The following MYO1E variants were observed in gnomAD, a reference collection of about 807,000 sequenced individuals.
MYO1E encodes unconventional myosin-Ie.
MYO1E carries 68 observed loss-of-function variants against 151.1 expected under a neutral mutation model. That is an observed-to-expected ratio of 0.45 (90% CI 0.37 to 0.55). The LOEUF is 0.55. MYO1E is among the 20% of genes least tolerant of loss of function. The probability of loss-of-function intolerance (pLI) is 0.00; values close to 1 mark genes in which losing one functional copy is unlikely to be tolerated. For missense variants in MYO1E, 1,363 were observed against 1,389.3 expected (o/e 0.98, Z 0.30); for synonymous variants, 601 against 501.7 (o/e 1.20, Z -2.64).
At chr15:59,277,564 A>ACAAAAAAAAAACAAAAAAAAAAC (rs71119452) in intron 1 of MYO1E, among the ~76,000 whole-genome samples, 1 of 139,792 alleles carries the variant, frequency 7.2e-6, no homozygotes, top group East Asian at 2.1e-4. Context: ...AAAAAAAAAA[A>ACAAAAAAAAAACAAAAAAAAAAC]AAAAAAAAAC....
At chr15:59,235,095 G>C (rs1249736085) in intron 5 of MYO1E, among the ~76,000 whole-genome samples, 5 of 151,816 alleles carry the variant, frequency 3.3e-5, no homozygotes, top group Admixed American at 1.3e-4. Context: ...CACCTCTTGA[G>C]TATCCTCATT....
At chr15:59,312,973 G>A (rs1389059546) in intron 1 of MYO1E, among the ~76,000 whole-genome samples, 5 of 152,114 alleles carry the variant, frequency 3.3e-5, no homozygotes, top group South Asian at 2.1e-4. Flanking sequence ...CCCGGGAGGC[G>A]GAGATCACGC....
intron 3 of MYO1E, among the ~76,000 whole-genome samples, chr15:59,257,999 C>CA (rs1194170000): frequency 2.0e-5 from 3 of 152,144 alleles, no homozygotes; most frequent in African/African-American, 7.2e-5. Context: ...ACAGAGCCTC[C>CA]AGTGCTGCCA....
At chr15:59,300,719 G>A (rs1460816178) in intron 1 of MYO1E, among the ~76,000 whole-genome samples, 1 of 152,062 alleles carries the variant, frequency 6.6e-6, no homozygotes, top group Non-Finnish European at 1.5e-5. Flanking sequence ...TCTTTTGTTG[G>A]AGCTATGATT....
intron 12 of MYO1E, among the ~76,000 whole-genome samples, chr15:59,213,892 T>C (rs2079897029): frequency 6.6e-6 from 1 of 152,072 alleles, no homozygotes; most frequent in African/African-American, 2.4e-5. Context: ...AACCAAGTCT[T>C]TTATTTGGAA....
intron 1 of MYO1E, among the ~76,000 whole-genome samples, chr15:59,361,123 T>C (rs1308496456): frequency 6.6e-6 from 1 of 152,050 alleles, no homozygotes; most frequent in Non-Finnish European, 1.5e-5. Flanking sequence ...GGCCAAGCCA[T>C]CCCATGGCCC....
At chr15:59,223,807 A>G (rs2079970899) in intron 8 of MYO1E, among the ~76,000 whole-genome samples, 1 of 152,230 alleles carries the variant, frequency 6.6e-6, no homozygotes. Context: ...CTAAATCTTA[A>G]GAGAAACATC....
Position 59,171,881 on chromosome 15 carries a change from C to T in MYO1E, c.2480+16G>A, listed in dbSNP as rs201398194. 1.2e-6 allele frequency: 2 copies of T among 1,614,142 alleles called. No individual in the cohort carries two copies. The highest frequency in any genetic ancestry group is 2.2e-5 in the East Asian group (1 of 44,880). ...GCGAGAAGGGGCAGTCCTGCCTCTG[C>T]ACCTCCACTACTCACCTGAGGGACA... On this transcript the variant is annotated intron_variant, in intron 22 of 27. Transcript: ENST00000288235.
Position 59,165,729 on chromosome 15 carries a change from A to C in MYO1E, c.2481-2426T>G, listed in dbSNP as rs140822495. 1.5e-4 allele frequency among the ~76,000 whole-genome samples: 23 copies of C among 152,326 alleles called. No individual in the cohort carries two copies. The East Asian group carries it at 4.4e-3, about 29-fold the overall frequency. ...AAAGCTGCTCAAAAGAGCTCTTCCA[A>C]GTCATTTTGAATTAATAAAGTCTAA... On this transcript the variant is annotated intron_variant, in intron 22 of 27. Transcript: ENST00000288235.
rs1180197624 is a variant in MYO1E at position 59,294,927 on chromosome 15, C to T, written c.4-22478G>A. On this transcript the variant is annotated intron_variant, in intron 1 of 27. Transcript: ENST00000288235. ...TCAATCTAGTCCATCCTTGAAGACC[C>T]CATGCAAATGCTACCTCTTTAAAGC... is the stretch of plus-strand genomic sequence containing the variant. Among the ~76,000 whole-genome samples the T allele has an allele frequency of 2.6e-5, 4 of 152,122 alleles. No homozygotes were observed. In the East Asian group the frequency reaches 7.7e-4, roughly 29 times the overall value.
chr15:59,253,729 C>T (rs1302020952), intron 4 of MYO1E, among the ~76,000 whole-genome samples: 1 of 151,910 alleles, frequency 6.6e-6, no homozygotes, highest in East Asian at 1.9e-4. Flanking sequence ...ATCTGCCCAC[C>T]CAAGAGTGCT....
Position 59,352,898 on chromosome 15 carries a change from C to T in MYO1E, c.3+19600G>A, listed in dbSNP as rs1451785270. Among the ~76,000 whole-genome samples, 4 of 152,292 alleles carry T rather than the reference C, an allele frequency of 2.6e-5. No homozygotes were observed. The East Asian group carries it at 7.7e-4, about 29-fold the overall frequency. ...TTATCACCATGTAATCCTGTACAATCACAAGCACTTCCGAAAACAGCATTA... is the reference window on the plus strand; with the variant it reads ...TTATCACCATGTAATCCTGTACAATTACAAGCACTTCCGAAAACAGCATTA... On this transcript the variant is annotated intron_variant, in intron 1 of 27. Coordinates refer to ENST00000288235, the MANE Select transcript of MYO1E (RefSeq NM_004998.4).
At chr15:59,224,284 TAA>T (rs3838846) in intron 8 of MYO1E, among the ~76,000 whole-genome samples, 73,177 of 151,774 alleles carry the variant, frequency 0.48, 21,094 homozygotes, top group Non-Finnish European at 0.67. Flanking sequence ...AGAAAAGAAA[TAA>T]GAGAAAAGAC....
chr15:59,203,566 G>C (rs1232726468), intron 15 of MYO1E, among the ~76,000 whole-genome samples: 3 of 152,092 alleles, frequency 2.0e-5, no homozygotes, highest in Non-Finnish European at 4.4e-5. Context: ...AGTAGAGACG[G>C]GGTTTCAACA....
At chr15:59,214,172 C>A in intron 12 of MYO1E, 56 bp downstream of exon 12, 1 of 1,416,782 alleles carries the variant, frequency 7.1e-7, no homozygotes, top group South Asian at 1.3e-5. Context: ...AATCTATACC[C>A]TCTTAAACAA....
chr15:59,201,236 C>A (rs766979786), intron 16 of MYO1E, among the ~76,000 whole-genome samples: 69 of 151,480 alleles, frequency 4.6e-4, no homozygotes, highest in Non-Finnish European at 8.2e-4. Context: ...TAGCTGAGAG[C>A]ATAAGATGTG....
At chr15:59,208,530 C>A (rs1479833817) in intron 14 of MYO1E, 151 bp downstream of exon 14, 2 of 952,978 alleles carry the variant, frequency 2.1e-6, no homozygotes, top group Non-Finnish European at 3.3e-6. Flanking sequence ...GTAGTATATA[C>A]AATCTTTTGT....
At chr15:59,353,091 C>A (rs28565915) in intron 1 of MYO1E, among the ~76,000 whole-genome samples, 2 of 152,300 alleles carry the variant, frequency 1.3e-5, no homozygotes, top group East Asian at 3.9e-4. Flanking sequence ...CTTCAACCTT[C>A]ACATTTCCCT....
intron 13 of MYO1E, 24 bp from the exon 14 acceptor site, chr15:59,208,872 C>A: frequency 6.2e-7 from 1 of 1,613,680 alleles, no homozygotes; most frequent in South Asian, 1.1e-5. Flanking sequence ...GAAGGCAAGG[C>A]CCTAGTCACT....
Sources: allele counts gnomAD v4.1 joint callset (sites outside exome capture counted in the v4.1 genomes callset), GRCh38; gene constraint gnomAD v4.1.1; transcripts MANE v1.5; gene names NCBI Gene and HGNC (gene_info 2026-07-23, HGNC 2026-07-21).